Variants in ORMDL3 observed in about 807,000 individuals in gnomAD.
ORMDL3 encodes ORM1-like protein 3.
ORMDL3 carries 6 observed loss-of-function variants against 12.6 expected under a neutral mutation model. The ratio of observed to expected loss-of-function variants is 0.48; its 90% confidence interval spans 0.26 to 0.94. The LOEUF (loss-of-function observed/expected upper bound fraction) is 0.94. Ranked by LOEUF, ORMDL3 falls within the 40% of genes least tolerant of loss-of-function variation. The probability of loss-of-function intolerance (pLI) is 0.14; values close to 1 mark genes in which losing one functional copy is unlikely to be tolerated. For synonymous variants in ORMDL3, 99 were observed against 87.2 expected, an observed-to-expected ratio of 1.14 and a Z score of -0.75; for missense variants, 159 against 205.5, an observed-to-expected ratio of 0.77 and a Z score of 1.38.
At chr17:39,926,898 A>G (rs1315683733) in intron 1 of ORMDL3, 4 of 986,056 alleles carry the variant, frequency 4.1e-6, no homozygotes, top group African/African-American at 3.5e-5. Flanking sequence ...GCACGTCACA[A>G]TGCCATGTCC....
chr17:39,922,245 G>C lies in ORMDL3; in HGVS notation c.*305C>G, dbSNP rs1419894840. Reference sequence around the variant, plus strand: ...CCCTGGCCTCCTGTCGCAACTGCGTGGTCCATGTTCAGCCCAGGAGCCCAG... The same window carrying C: ...CCCTGGCCTCCTGTCGCAACTGCGTCGTCCATGTTCAGCCCAGGAGCCCAG... On this transcript the variant is annotated 3_prime_UTR_variant, in exon 4 of 4. Coordinates refer to ENST00000304046, the MANE Select transcript of ORMDL3 (RefSeq NM_139280.4). 4.2e-6 allele frequency: 1 copy of C among 239,954 alleles called. No individual in the cohort carries two copies. The highest frequency in any genetic ancestry group is 2.3e-5 in the African/African-American group (1 of 44,280). The allele number at this position is 239,954 out of a possible 1,614,324, so 14.9% of individuals were successfully genotyped here. A position where few individuals can be genotyped will look rare whatever the true frequency, so the allele number is the denominator to read the frequency against.
Position 39,927,509 on chromosome 17 carries a change from C to T in ORMDL3, c.-48G>A. The T allele has an allele frequency of 2.0e-6, 2 of 985,440 alleles. No homozygotes were observed. Among genetic ancestry groups the T allele is most frequent in the African/African-American group, 1.7e-5 (1 of 57,342 alleles). The allele number at this position is 985,440 out of a possible 1,614,324, so 61.0% of individuals were successfully genotyped here. ...CGTGTGGGGCCGAAGATCAACGGCCCGGGAACGGTTCCCGGGAGCGGGGGC... is the reference window on the plus strand; with the variant it reads ...CGTGTGGGGCCGAAGATCAACGGCCTGGGAACGGTTCCCGGGAGCGGGGGC... On this transcript the variant is annotated 5_prime_UTR_variant, in exon 1 of 4. Transcript: ENST00000304046.
chr17:39,923,949 T>TCCTCCTATCCCTCAGCCC, intron 2 of ORMDL3, 81 bp downstream of exon 2: 1 of 1,397,086 alleles, frequency 7.2e-7, no homozygotes, highest in South Asian at 1.4e-5. Context: ...CCCGACAGGC[T>TCCTCCTATCCCTCAGCCC]CCTCCTATCC....
At chr17:39,923,422 T>G (rs1209269498) in intron 2 of ORMDL3, among the ~76,000 whole-genome samples, 159 bp from the exon 3 acceptor site, 4 of 148,574 alleles carry the variant, frequency 2.7e-5, no homozygotes, top group Admixed American at 2.0e-4. Context: ...CAGCTGGGAG[T>G]ATGGCAGGAG....
Position 39,923,249 on chromosome 17 carries a change from G to A in ORMDL3, c.189C>T (p.Phe63=). The A allele has an allele frequency of 6.2e-7, 1 of 1,614,168 alleles. No individual in the cohort carries two copies. Residue 63 remains phenylalanine, a synonymous_variant, in exon 3 of 4, where the codon TTC becomes TTT. Transcript: ENST00000304046. ...NLIHNMGMYI[F]LHTVKGTPFE... is the part of the protein sequence containing the mutation. ...AGGGTGTCCCCTTCACCGTGTGCAG[G>A]AAGATATACATGCCCTGGAGGAAGA...
At chr17:39,923,085 G>A (rs746019686) in intron 3 of ORMDL3, 27 bp downstream of exon 3, 2 of 1,613,638 alleles carry the variant, frequency 1.2e-6, no homozygotes, top group East Asian at 4.5e-5. Context: ...CTGCCTGCTG[G>A]TGTCTTCCTG....
chr17:39,922,724 T>A (rs1042695107), intron 3 of ORMDL3, 39 bp from the exon 4 acceptor site: 2 of 1,600,848 alleles, frequency 1.2e-6, no homozygotes, highest in Admixed American at 1.7e-5. Flanking sequence ...AAAAGACTGT[T>A]GGGAGGACCC....
At chr17:39,926,232 G>C (rs1051898666) in intron 1 of ORMDL3, 2 of 152,102 alleles carry the variant, frequency 1.3e-5, no homozygotes, top group African/African-American at 4.8e-5. Context: ...AACAAAACTT[G>C]ATGAGCCTAG....
rs181377179 is a variant in ORMDL3 at position 39,925,768 on chromosome 17, G to A, written c.-22-1543C>T. The A allele has an allele frequency of 2.6e-5, 4 of 152,338 alleles. No individual in the cohort carries two copies. In the East Asian group the frequency reaches 7.7e-4, roughly 29 times the overall value. 9.4% of individuals were successfully genotyped at this position (152,338 alleles called of 1,614,324 possible). ...GCCATCCCAACAAGCAAACACCCGT[G>A]CGCCAGCCTGGGGCGCATTCTGATT... On this transcript the variant is annotated intron_variant, in intron 1 of 3. Transcript: ENST00000304046.
intron 2 of ORMDL3, among the ~76,000 whole-genome samples, 195 bp from the exon 3 acceptor site, chr17:39,923,458 C>T (rs934744741): frequency 3.3e-5 from 5 of 151,882 alleles, no homozygotes; most frequent in Non-Finnish European, 7.4e-5. Flanking sequence ...CCCTGGGGGA[C>T]GGGCTAGGCC....
intron 2 of ORMDL3, 34 bp downstream of exon 2, chr17:39,923,996 C>T: frequency 6.4e-7 from 1 of 1,555,754 alleles, no homozygotes; most frequent in South Asian, 1.2e-5. Flanking sequence ...AGGGCAGGGG[C>T]AGGGGCAGGG....
rs1324360197 is a variant in ORMDL3 at position 39,924,125 on chromosome 17, C to T, written c.79G>A (p.Val27Met). Residue 27 changes from valine to methionine, a missense_variant, in exon 2 of 4, where the codon GTG becomes ATG. Transcript: ENST00000304046. Reference sequence around the variant, plus strand: ...ATGTGGAGGAGACCGATGGCCAGCACGTAGGAGAGCCAGATGCCACGGCTG... The same window carrying T: ...ATGTGGAGGAGACCGATGGCCAGCATGTAGGAGAGCCAGATGCCACGGCTG... ...MNSRGIWLSY[V>M]LAIGLLHIVL... 4 of 1,614,126 alleles carry T rather than the reference C, an allele frequency of 2.5e-6. No homozygotes were observed. The highest frequency in any genetic ancestry group is 2.7e-5 in the African/African-American group (2 of 75,038).
intron 1 of ORMDL3, 140 bp downstream of exon 1, chr17:39,927,344 C>A (rs900596229): frequency 3.7e-6 from 2 of 535,804 alleles, no homozygotes; most frequent in Non-Finnish European, 4.8e-6. Flanking sequence ...AGCCGATGCA[C>A]CCCCTCGGCT....
intron 3 of ORMDL3, 104 bp downstream of exon 3, chr17:39,923,008 C>A: frequency 6.9e-7 from 1 of 1,452,232 alleles, no homozygotes; most frequent in Non-Finnish European, 9.5e-7. Context: ...CTCTGTTCAT[C>A]CCTACACCAG....
chr17:39,924,510 G>A (rs1225509983), intron 1 of ORMDL3, among the ~76,000 whole-genome samples: 1 of 152,166 alleles, frequency 6.6e-6, no homozygotes, highest in Non-Finnish European at 1.5e-5. Context: ...CGCAGCCCCA[G>A]GGCAGAGAAG....
rs1183081273 is a variant in ORMDL3, at chr17:39,923,165, A to G, written c.273T>C (p.Tyr91=). Residue 91 remains tyrosine, a synonymous_variant, in exon 3 of 4, where the codon TAT becomes TAC. Coordinates refer to ENST00000304046, the MANE Select transcript of ORMDL3 (RefSeq NM_139280.4). Reference sequence around the variant, plus strand: ...TCCGAGAGGCCGTGAACTGGACCCCATAATCCATCTGCTCCCAGTGGGTTA... The same window carrying G: ...TCCGAGAGGCCGTGAACTGGACCCCGTAATCCATCTGCTCCCAGTGGGTTA... The part of the protein sequence containing the change: ...RLLTHWEQMD[Y]GVQFTASRKF... The G allele has an allele frequency of 3.7e-6, 6 of 1,614,208 alleles. No homozygotes were observed. In the South Asian group the frequency reaches 5.5e-5, roughly 15 times the overall value.
intron 1 of ORMDL3, chr17:39,925,828 A>G (rs1008114961): frequency 2.8e-4 from 43 of 152,230 alleles, no homozygotes; most frequent in African/African-American, 1.0e-3. Flanking sequence ...AGCGCAGCCC[A>G]CTAGGCTGGA....
Position 39,922,335 on chromosome 17 carries a change from C to T in ORMDL3, c.*215G>A. The T allele has an allele frequency of 3.9e-6, 2 of 511,498 alleles. No homozygotes were observed. The highest frequency in any genetic ancestry group is 6.9e-6 in the Non-Finnish European group (2 of 291,220). 31.7% of individuals were successfully genotyped at this position (511,498 alleles called of 1,614,324 possible). On this transcript the variant is annotated 3_prime_UTR_variant, in exon 4 of 4. Transcript: ENST00000304046. Reference sequence around the variant, plus strand: ...AGCAAAAGGAAAAGATCAAAAAATTCAGAAAAGGTCAGAGCCCAGGGGGCC... The same window carrying T: ...AGCAAAAGGAAAAGATCAAAAAATTTAGAAAAGGTCAGAGCCCAGGGGGCC...
In ORMDL3 at chr17:39,927,565, C is replaced by T; in HGVS notation, c.-104G>A. The T allele has an allele frequency of 1.0e-6, 1 of 985,616 alleles. No individual in the cohort carries two copies. Among genetic ancestry groups the T allele is most frequent in the East Asian group, 1.1e-4 (1 of 8,812 alleles). 61.1% of individuals were successfully genotyped at this position (985,616 alleles called of 1,614,324 possible). On this transcript the variant is annotated 5_prime_UTR_variant, in exon 1 of 4. Coordinates refer to ENST00000304046, the MANE Select transcript of ORMDL3 (RefSeq NM_139280.4). Reference sequence around the variant, plus strand: ...CTGCTCCAGCAGCTGTAACAACCCGCGGCTGCAGCCTCCCCGCTGGCAGCT... The same window carrying T: ...CTGCTCCAGCAGCTGTAACAACCCGTGGCTGCAGCCTCCCCGCTGGCAGCT...
Sources: gnomAD v4.1 joint callset for allele counts (sites outside exome capture counted in the v4.1 genomes callset) on GRCh38, gnomAD v4.1.1 for gene constraint, MANE v1.5 for transcripts, NCBI Gene and HGNC (gene_info 2026-07-23, HGNC 2026-07-21) for gene names.